Variants in SLC4A10 observed in about 807,000 individuals in gnomAD.
SLC4A10 encodes the protein solute carrier family 4 member 10, also known as sodium-driven chloride bicarbonate exchanger.
Under a neutral mutation model 137.7 loss-of-function variants are expected in SLC4A10, and 42 were observed. That is an observed-to-expected ratio of 0.30 (90% CI 0.24 to 0.39). The LOEUF (loss-of-function observed/expected upper bound fraction) is 0.39, where lower values mean the gene tolerates loss of function less well. Ranked by LOEUF, SLC4A10 falls within the 10% of genes least tolerant of loss-of-function variation. SLC4A10 has a pLI of 1.00. For synonymous variants in SLC4A10, 474 were observed against 464.1 expected (o/e 1.02, Z -0.27); for missense variants, 925 against 1,355.0 (o/e 0.68, Z 4.98).
intron 15 of SLC4A10, among the ~76,000 whole-genome samples, chr2:161,907,055 CAAAAA>C (rs556899761): frequency 5.5e-5 from 5 of 90,946 alleles, no homozygotes; most frequent in Admixed American, 9.7e-5. Flanking sequence ...GACTCCGTCT[CAAAAA>C]AAAAAAAAAA....
In SLC4A10 at chr2:161,904,145, A is replaced by G; in HGVS notation, c.1584A>G (p.Gly528=). The G allele has an allele frequency of 6.2e-7, 1 of 1,612,016 alleles. No homozygotes were observed. The highest frequency in any genetic ancestry group is 8.5e-7 in the Non-Finnish European group (1 of 1,178,998). ...GTATGTCTCCTGTCATCACGTTTGGAGGACTGCTGGGAGAAGCAACTGAAG... is the reference window on the plus strand; with the variant it reads ...GTATGTCTCCTGTCATCACGTTTGGGGGACTGCTGGGAGAAGCAACTGAAG... ...CACMSPVITF[G]GLLGEATEGR... is the part of the protein sequence containing the mutation. The change falls in exon 13 of 27, where the codon GGA becomes GGG. Residue 528 remains glycine, a synonymous_variant. Transcript: ENST00000446997.
intron 1 of SLC4A10, among the ~76,000 whole-genome samples, chr2:161,765,192 C>T (rs897966968): frequency 6.6e-6 from 1 of 152,050 alleles, no homozygotes; most frequent in Non-Finnish European, 1.5e-5. Context: ...GTTTTGTTTA[C>T]ACATATATAA....
intron 1 of SLC4A10, among the ~76,000 whole-genome samples, chr2:161,761,549 G>A (rs1321190660): frequency 6.6e-6 from 1 of 151,906 alleles, no homozygotes; most frequent in East Asian, 1.9e-4. Flanking sequence ...GAACAAGTCA[G>A]GAATCAAATA....
intron 1 of SLC4A10, among the ~76,000 whole-genome samples, chr2:161,696,875 C>T (rs1483019482): frequency 5.9e-5 from 9 of 152,128 alleles, no homozygotes; most frequent in South Asian, 2.1e-4. Context: ...CTTGAGGAAT[C>T]GCCACACTGT....
chr2:161,793,870 A>G (rs1205622360), intron 2 of SLC4A10, among the ~76,000 whole-genome samples: 1 of 152,126 alleles, frequency 6.6e-6, no homozygotes, highest in African/African-American at 2.4e-5. Flanking sequence ...ATTGTATAAG[A>G]TTATGCATGT....
chr2:161,829,698 A>G (rs1372268630), intron 3 of SLC4A10, among the ~76,000 whole-genome samples: 1 of 151,974 alleles, frequency 6.6e-6, no homozygotes, highest in Non-Finnish European at 1.5e-5. Context: ...TTCTATATTT[A>G]TGTATTGGTC....
At chr2:161,744,335 A>T (rs937555868) in intron 1 of SLC4A10, among the ~76,000 whole-genome samples, 1 of 152,138 alleles carries the variant, frequency 6.6e-6, no homozygotes, top group Non-Finnish European at 1.5e-5. Context: ...GATTCTTAAC[A>T]TGAAGGGATG....
intron 1 of SLC4A10, among the ~76,000 whole-genome samples, chr2:161,681,354 G>A (rs945008694): frequency 2.6e-5 from 4 of 152,108 alleles, no homozygotes; most frequent in African/African-American, 9.7e-5. Flanking sequence ...AACCAGACAG[G>A]AATATACAGT....
chr2:161,876,647 G>A (rs1028185751), intron 8 of SLC4A10, among the ~76,000 whole-genome samples: 2 of 152,094 alleles, frequency 1.3e-5, no homozygotes, highest in Non-Finnish European at 2.9e-5. Flanking sequence ...TCGCACCACT[G>A]CACTCCACTC....
At position 161,942,750 on chromosome 2, in the gene SLC4A10, A is replaced by C. The variant is rs374352769; in HGVS notation, c.1998-42A>C. The C allele has an allele frequency of 5.0e-5, 75 of 1,488,802 alleles. No individual in the cohort carries two copies. In the African/African-American group the frequency reaches 9.7e-4, roughly 19 times the overall value. 92.2% of individuals were successfully genotyped at this position (1,488,802 alleles called of 1,614,324 possible). ...ACATTAGTCTTCGGTACAGTCACAA[A>C]AAGCTACTTATTTCACAAAAGACAC... On this transcript the variant is annotated intron_variant, in intron 15 of 26. Transcript: ENST00000446997.
intron 3 of SLC4A10, among the ~76,000 whole-genome samples, chr2:161,838,185 C>T (rs1234471532): frequency 6.6e-6 from 1 of 151,984 alleles, no homozygotes; most frequent in Non-Finnish European, 1.5e-5. Context: ...TTGAAAACGG[C>T]ACAAACCATG....
At chr2:161,689,404 T>C (rs1485127357) in intron 1 of SLC4A10, among the ~76,000 whole-genome samples, 1 of 152,160 alleles carries the variant, frequency 6.6e-6, no homozygotes, top group Non-Finnish European at 1.5e-5. Context: ...ACTAGATAAG[T>C]TTGGATTCAC....
At chr2:161,742,336 A>G (rs1261284886) in intron 1 of SLC4A10, among the ~76,000 whole-genome samples, 2 of 151,940 alleles carry the variant, frequency 1.3e-5, no homozygotes, top group Admixed American at 1.3e-4. Flanking sequence ...GGGTTTATAC[A>G]TAGCAGTGAG....
intron 5 of SLC4A10, among the ~76,000 whole-genome samples, chr2:161,858,445 G>A (rs1169827139): frequency 6.6e-6 from 1 of 152,004 alleles, no homozygotes; most frequent in Non-Finnish European, 1.5e-5. Flanking sequence ...TTTTCTTTTG[G>A]CTAAGTTAAT....
At chr2:161,890,602 G>A (rs1048118258) in intron 10 of SLC4A10, among the ~76,000 whole-genome samples, 2 of 152,036 alleles carry the variant, frequency 1.3e-5, no homozygotes, top group Non-Finnish European at 2.9e-5. Context: ...TTGGAGACTA[G>A]GATTGCAACC....
At chr2:161,776,095 A>G (rs1260775565) in intron 2 of SLC4A10, among the ~76,000 whole-genome samples, 2 of 151,926 alleles carry the variant, frequency 1.3e-5, no homozygotes, top group Non-Finnish European at 2.9e-5. Flanking sequence ...TGGTGCTACT[A>G]GTTAGTCGAG....
intron 3 of SLC4A10, among the ~76,000 whole-genome samples, chr2:161,829,371 G>A (rs949946203): frequency 2.0e-5 from 3 of 152,066 alleles, no homozygotes; most frequent in African/African-American, 2.4e-5. Flanking sequence ...GGCTGAAGAC[G>A]GCAGTATGTT....
chr2:161,772,011 A>G (rs142121131), intron 2 of SLC4A10, among the ~76,000 whole-genome samples: 1 of 152,020 alleles, frequency 6.6e-6, no homozygotes, highest in East Asian at 1.9e-4. Flanking sequence ...TCTTATCTTT[A>G]GTCACAACAC....
intron 15 of SLC4A10, among the ~76,000 whole-genome samples, chr2:161,909,753 T>A (rs146143554): frequency 1.3e-5 from 2 of 152,234 alleles, no homozygotes; most frequent in Non-Finnish European, 2.9e-5. Flanking sequence ...CTTTTAGTTA[T>A]GTTCATTAAT....
Sources: allele counts gnomAD v4.1 joint callset (sites outside exome capture counted in the v4.1 genomes callset), GRCh38; gene constraint gnomAD v4.1.1; transcripts MANE v1.5; gene names NCBI Gene and HGNC (gene_info 2026-07-23, HGNC 2026-07-21).